The following ASCC3 variants were observed in gnomAD, a reference collection of about 807,000 sequenced individuals.
The protein encoded by ASCC3 is ASC-1 complex subunit P200.
Under a neutral mutation model 256.3 loss-of-function variants are expected in ASCC3, and 158 were observed. The observed-to-expected ratio is 0.62, with a 90% CI of 0.54 to 0.70. The LOEUF is 0.70. ASCC3 is among the 30% of genes least tolerant of loss of function. The pLI is 0.00. For synonymous variants in ASCC3, 948 were observed against 883.4 expected (o/e 1.07, Z -1.30); for missense variants, 2,259 against 2,626.0 (o/e 0.86, Z 3.05).
At chr6:100,639,010 T>C (rs1179949053) in intron 24 of ASCC3, among the ~76,000 whole-genome samples, 189 bp from the exon 25 acceptor site, 1 of 152,212 alleles carries the variant, frequency 6.6e-6, no homozygotes. Flanking sequence ...ACATTTACCA[T>C]ATTGACATAC....
chr6:100,556,958 C>T (rs1769610041), intron 36 of ASCC3, among the ~76,000 whole-genome samples: 2 of 152,036 alleles, frequency 1.3e-5, no homozygotes, highest in South Asian at 4.1e-4. Flanking sequence ...CCCAAAAATT[C>T]ATCTTGGAAG....
chr6:100,513,497 T>C (rs1582366368), intron 39 of ASCC3, among the ~76,000 whole-genome samples: 1 of 152,304 alleles, frequency 6.6e-6, no homozygotes, highest in East Asian at 1.9e-4. Context: ...AATTCAATTA[T>C]TGATGTTAGA....
At chr6:100,579,117 C>A (rs994443675) in intron 36 of ASCC3, among the ~76,000 whole-genome samples, 4 of 150,798 alleles carry the variant, frequency 2.7e-5, no homozygotes, top group African/African-American at 9.7e-5. Flanking sequence ...TTGTTGGTCA[C>A]ACGTATATCT....
intron 34 of ASCC3, among the ~76,000 whole-genome samples, chr6:100,598,255 C>G (rs949121415): frequency 1.3e-5 from 2 of 152,126 alleles, no homozygotes; most frequent in African/African-American, 2.4e-5. Context: ...GGGAAAGCAG[C>G]TGCCACAACT....
chr6:100,530,486 T>C (rs1460358857), intron 37 of ASCC3: 9 of 791,448 alleles, frequency 1.1e-5, no homozygotes, highest in East Asian at 2.4e-5. Flanking sequence ...AACTGTACAA[T>C]AGAGACAAAG....
At chr6:100,741,781 A>G (rs1224518620) in intron 10 of ASCC3, among the ~76,000 whole-genome samples, 1 of 152,096 alleles carries the variant, frequency 6.6e-6, no homozygotes, top group African/African-American at 2.4e-5. Context: ...CAGCTCTCGT[A>G]CTGTTTTATC....
At chr6:100,725,418 T>A in intron 11 of ASCC3, 121 bp downstream of exon 11, 1 of 1,133,602 alleles carries the variant, frequency 8.8e-7, no homozygotes, top group Non-Finnish European at 1.3e-6. Flanking sequence ...TTTAAAAATA[T>A]GAAGATTATG....
chr6:100,706,007 C>T (rs192588401), intron 13 of ASCC3, among the ~76,000 whole-genome samples: 1 of 151,922 alleles, frequency 6.6e-6, no homozygotes, highest in African/African-American at 2.4e-5. Flanking sequence ...GCAAATCTCT[C>T]TCTCTACATA....
intron 26 of ASCC3, among the ~76,000 whole-genome samples, chr6:100,630,309 TTA>T (rs1472143797): frequency 6.6e-6 from 1 of 152,140 alleles, no homozygotes; most frequent in African/African-American, 2.4e-5. Context: ...GATTTACATT[TTA>T]TATGTTATTT....
intron 32 of ASCC3, among the ~76,000 whole-genome samples, chr6:100,606,310 C>G (rs1254696701): frequency 6.6e-6 from 1 of 152,026 alleles, no homozygotes; most frequent in Non-Finnish European, 1.5e-5. Context: ...TTAACAGAGT[C>G]TTCATGCATA....
intron 13 of ASCC3, among the ~76,000 whole-genome samples, chr6:100,699,900 G>A (rs1028231988): frequency 1.3e-5 from 2 of 152,142 alleles, no homozygotes; most frequent in South Asian, 2.1e-4. Context: ...CAAAACATTC[G>A]AGAAGTAACT....
At chr6:100,546,256 C>A (rs1260785343) in intron 36 of ASCC3, among the ~76,000 whole-genome samples, 1 of 152,020 alleles carries the variant, frequency 6.6e-6, no homozygotes, top group Non-Finnish European at 1.5e-5. Context: ...TAAAGAGGAT[C>A]CAACTAAATG....
intron 13 of ASCC3, among the ~76,000 whole-genome samples, chr6:100,710,703 T>C (rs527277839): frequency 8.8e-4 from 134 of 152,288 alleles, no homozygotes; most frequent in South Asian, 1.5e-3. Flanking sequence ...GGATCCCCTA[T>C]ATTACAACAT....
At chr6:100,591,812 G>A (rs777168980) in intron 34 of ASCC3, among the ~76,000 whole-genome samples, 4 of 151,834 alleles carry the variant, frequency 2.6e-5, no homozygotes, top group Non-Finnish European at 4.4e-5. Context: ...ATCAGCCGTT[G>A]TCCTATATAT....
rs544796139 is a variant in ASCC3 at position 100,794,236 on chromosome 6, A to G, written c.1395+4477T>C. Among the ~76,000 whole-genome samples, 9 of 152,186 alleles carry G rather than the reference A, an allele frequency of 5.9e-5. No individual in the cohort carries two copies. In the South Asian group the frequency reaches 1.9e-3, roughly 32 times the overall value. ...ATTTTTAAGAAGTAATATTTCCCAC[A>G]ATATTGAGTGTAAACCTCTTAGCAT... On this transcript the variant is annotated intron_variant, in intron 8 of 41. Coordinates refer to ENST00000369162, the MANE Select transcript of ASCC3 (RefSeq NM_006828.4).
intron 13 of ASCC3, among the ~76,000 whole-genome samples, chr6:100,684,007 T>C (rs192155772): frequency 1.1e-4 from 16 of 152,244 alleles, no homozygotes; most frequent in Admixed American, 9.2e-4. Flanking sequence ...ATTTGACTTG[T>C]CAAAGAAAGT....
At chr6:100,679,928 G>C (rs1374599914) in intron 13 of ASCC3, among the ~76,000 whole-genome samples, 176 bp from the exon 14 acceptor site, 1 of 152,060 alleles carries the variant, frequency 6.6e-6, no homozygotes, top group African/African-American at 2.4e-5. Context: ...AAAAAGACAA[G>C]TTAAATAAAA....
At chr6:100,815,065 G>T (rs940117096) in intron 4 of ASCC3, among the ~76,000 whole-genome samples, 5 of 151,738 alleles carry the variant, frequency 3.3e-5, no homozygotes, top group African/African-American at 1.2e-4. Context: ...TTTTGATCAG[G>T]AAAGTCTCAG....
At chr6:100,725,963 A>G (rs111562649) in intron 10 of ASCC3, among the ~76,000 whole-genome samples, 192 of 130,050 alleles carry the variant, frequency 1.5e-3, no homozygotes, top group African/African-American at 6.7e-3. Context: ...CAAAATACAC[A>G]TGTTTTTTTA....
Sources: allele counts gnomAD v4.1 joint callset (sites outside exome capture counted in the v4.1 genomes callset), GRCh38; gene constraint gnomAD v4.1.1; transcripts MANE v1.5; gene names NCBI Gene and HGNC (gene_info 2026-07-23, HGNC 2026-07-21).